The following KRTAP5-4 variants were observed in gnomAD, a reference collection of about 807,000 sequenced individuals.
KRTAP5-4 encodes keratin-associated protein 5-4.
Under a neutral mutation model 2.6 loss-of-function variants are expected in KRTAP5-4, and 1 was observed. The ratio of observed to expected loss-of-function variants is 0.39; its 90% CI spans 0.14 to 1.85. The LOEUF (loss-of-function observed/expected upper bound fraction) is 1.85, where lower values mean the gene tolerates loss of function less well. KRTAP5-4 is among the 40% of genes most tolerant of loss of function. The pLI is 0.32. For missense variants in KRTAP5-4, 195 were observed against 276.9 expected (o/e 0.70, Z 2.10); for synonymous variants, 83 against 113.1 (o/e 0.73, Z 1.69).
At position 1,622,104 on chromosome 11, in the gene KRTAP5-4, G is replaced by A. The variant is rs779475157; in HGVS notation, c.-11C>T. ...GCCACAGCAGCCCATGGTTCTGGTG[G>A]ATTGAGGGTGGAGCAGGTAGAGGAG... On this transcript the variant is annotated 5_prime_UTR_variant, in exon 1 of 1. Transcript: ENST00000399682. 6.2e-7 allele frequency: 1 copy of A among 1,611,232 alleles called. No homozygotes were observed. The highest frequency in any genetic ancestry group is 8.5e-7 in the Non-Finnish European group (1 of 1,179,268).
chr11:1,621,371 A>G lies in KRTAP5-4; in HGVS notation c.*36T>C. ...ACAGGTCACAGCTTTGGAAGACAGG[A>G]TTAGCAGGACTCACATGAGGCCTGA... On this transcript the variant is annotated 3_prime_UTR_variant, in exon 1 of 1. Transcript: ENST00000399682. The G allele has an allele frequency of 6.2e-7, 1 of 1,612,136 alleles. No individual in the cohort carries two copies. The highest frequency in any genetic ancestry group is 2.2e-5 in the East Asian group (1 of 44,858).
In KRTAP5-4 at chr11:1,621,159, A is replaced by G. The variant is rs1288072142; in HGVS notation, c.*248T>C. On this transcript the variant is annotated 3_prime_UTR_variant, in exon 1 of 1. Coordinates refer to ENST00000399682, the MANE Select transcript of KRTAP5-4 (RefSeq NM_001347674.1). ...AGCTCAGGCCTCTGAAAAGATGAGC[A>G]AAGGCGAGGCTAGTGGGTGAGGGGT... The G allele has an allele frequency of 1.4e-5, 10 of 727,080 alleles. No homozygotes were observed. The highest frequency in any genetic ancestry group is 2.2e-5 in the Non-Finnish European group (10 of 456,586). 45.0% of individuals were successfully genotyped at this position (727,080 alleles called of 1,614,324 possible).
At position 1,621,409 on chromosome 11, in the gene KRTAP5-4, A is replaced by T; in HGVS notation, c.685T>A (p.Ter229ArgextTer53). The T allele has an allele frequency of 6.2e-7, 1 of 1,614,158 alleles. No individual in the cohort carries two copies. Among genetic ancestry groups the T allele is most frequent in the Non-Finnish European group, 8.5e-7 (1 of 1,179,994 alleles). ...ACATGAGGCCTGAGTCCAGAGCCTC[A>T]GATCTTACACTGGCAGCACACAGGG... is the stretch of plus-strand genomic sequence containing the variant. ...CVPVCCQCKI* is the reference protein window; with the variant it reads ...CVPVCCQCKIR Residue 229 changes from the stop codon to arginine, a stop_lost, in exon 1 of 1, where the codon TGA becomes AGA. Coordinates refer to ENST00000399682, the MANE Select transcript of KRTAP5-4 (RefSeq NM_001347674.1).
rs112434365 is a variant in KRTAP5-4 at position 1,621,916 on chromosome 11, A to C, written c.178T>G (p.Cys60Gly). ...CVPICCCKPV[C>G]CCVPACSCSS... ...CAGGAACAGGCTGGCACACAGCAGC[A>C]CACAGGTTTGCAGCAGCAGATGGGC... The change falls in exon 1 of 1, where the codon TGC (cysteine) becomes GGC (glycine). Residue 60 changes from cysteine to glycine, a missense_variant. Coordinates refer to ENST00000399682, the MANE Select transcript of KRTAP5-4 (RefSeq NM_001347674.1). 2.3e-3 allele frequency: 3,673 copies of C among 1,600,022 alleles called. 126 individuals are homozygous for C. In the African/African-American group the frequency reaches 0.047, roughly 20 times the overall value.
At position 1,621,202 on chromosome 11, in the gene KRTAP5-4, A is replaced by G; in HGVS notation, c.*205T>C. ...TGAGGGGTGATTCAGCTGCAATTGCAGTTGACTTGGGGAGAGAATTTGTTA... is the reference window on the plus strand; with the variant it reads ...TGAGGGGTGATTCAGCTGCAATTGCGGTTGACTTGGGGAGAGAATTTGTTA... On this transcript the variant is annotated 3_prime_UTR_variant, in exon 1 of 1. Transcript: ENST00000399682. The G allele has an allele frequency of 1.9e-6, 2 of 1,047,454 alleles. No individual in the cohort carries two copies. The highest frequency in any genetic ancestry group is 2.7e-6 in the Non-Finnish European group (2 of 734,516). The allele number at this position is 1,047,454 out of a possible 1,614,324, so 64.9% of individuals were successfully genotyped here.
At position 1,621,603 on chromosome 11, in the gene KRTAP5-4, C is replaced by T. The variant is rs771807412; in HGVS notation, c.491G>A (p.Cys164Tyr). The T allele has an allele frequency of 8.1e-6, 13 of 1,613,396 alleles. No individual in the cohort carries two copies. In the African/African-American group the frequency reaches 1.5e-4, roughly 18 times the overall value. Residue 164 changes from cysteine to tyrosine, a missense_variant, in exon 1 of 1, where the codon TGC (cysteine) becomes TAC (tyrosine). Transcript: ENST00000399682. ...SCCQSSCCKP[C>Y]CSSSGCGSSC... ...TGACCCACAACCTGAGGAGGAGCAG[C>T]AGGGCTTACAGCAGCTGGACTGGCA...
Position 1,621,033 on chromosome 11 carries a change from GC to G in KRTAP5-4, c.*373del. The G allele has an allele frequency of 4.1e-6, 1 of 242,396 alleles. No individual in the cohort carries two copies. The highest frequency in any genetic ancestry group is 8.4e-6 in the Non-Finnish European group (1 of 118,974). 15.0% of individuals were successfully genotyped at this position (242,396 alleles called of 1,614,324 possible). ...TACAGCAGAGTGTTGGACATGCAAA[GC>G]CACTCCAAGGAAGCCTCTTAAACGC... On this transcript the variant is annotated 3_prime_UTR_variant, in exon 1 of 1. Coordinates refer to ENST00000399682, the MANE Select transcript of KRTAP5-4 (RefSeq NM_001347674.1).
chr11:1,622,136 A>G lies in KRTAP5-4; in HGVS notation c.-43T>C, dbSNP rs775800377. 1 of 1,604,450 alleles carries G rather than the reference A, an allele frequency of 6.2e-7. No homozygotes were observed. The highest frequency in any genetic ancestry group is 1.1e-5 in the South Asian group (1 of 89,208). On this transcript the variant is annotated 5_prime_UTR_variant, in exon 1 of 1. Transcript: ENST00000399682. ...GGTGGAGCAGGTAGAGGAGCAGATG[A>G]GATGGAGGTGCAGGTGTGGAGCCCC...
chr11:1,621,187 T>C lies in KRTAP5-4; in HGVS notation c.*220A>G. The C allele has an allele frequency of 2.2e-6, 2 of 923,684 alleles. No homozygotes were observed. Among genetic ancestry groups the C allele is most frequent in the Non-Finnish European group, 3.2e-6 (2 of 624,586 alleles). 57.2% of individuals were successfully genotyped at this position (923,684 alleles called of 1,614,324 possible). On this transcript the variant is annotated 3_prime_UTR_variant, in exon 1 of 1. Coordinates refer to ENST00000399682, the MANE Select transcript of KRTAP5-4 (RefSeq NM_001347674.1). ...GGCGAGGCTAGTGGGTGAGGGGTGA[T>C]TCAGCTGCAATTGCAGTTGACTTGG...
Position 1,621,971 on chromosome 11 carries a change from G to A in KRTAP5-4, c.123C>T (p.Gly41=), listed in dbSNP as rs746716419. The A allele has an allele frequency of 6.4e-7, 1 of 1,557,910 alleles. No individual in the cohort carries two copies. Among genetic ancestry groups the A allele is most frequent in the South Asian group, 1.1e-5 (1 of 87,474 alleles). The change falls in exon 1 of 1, where the codon GGC becomes GGT. Residue 41 remains glycine, a synonymous_variant. Coordinates refer to ENST00000399682, the MANE Select transcript of KRTAP5-4 (RefSeq NM_001347674.1). ...AGCAGCTGGAGCCACAGCCCCCACA[G>A]CCGGAGCCACAGCCCCCACAGCCGG... ...CGSGCGGCGS[G]CGGCGSSCCV...
Position 1,621,040 on chromosome 11 carries a change from C to A in KRTAP5-4, c.*367G>T. 7.5e-6 allele frequency: 2 copies of A among 267,094 alleles called. No individual in the cohort carries two copies. Among genetic ancestry groups the A allele is most frequent in the Non-Finnish European group, 7.6e-6 (1 of 132,374 alleles). The allele number at this position is 267,094 out of a possible 1,614,324, so 16.5% of individuals were successfully genotyped here. On this transcript the variant is annotated 3_prime_UTR_variant, in exon 1 of 1. Coordinates refer to ENST00000399682, the MANE Select transcript of KRTAP5-4 (RefSeq NM_001347674.1). ...GAGTGTTGGACATGCAAAGCCACTCCAAGGAAGCCTCTTAAACGCCCACCT... is the reference window on the plus strand; with the variant it reads ...GAGTGTTGGACATGCAAAGCCACTCAAAGGAAGCCTCTTAAACGCCCACCT...
rs1423597344 is a variant in KRTAP5-4, at chr11:1,621,638, C to A, written c.456G>T (p.Gly152=). 6.2e-7 allele frequency: 1 copy of A among 1,605,552 alleles called. No homozygotes were observed. The highest frequency in any genetic ancestry group is 2.2e-5 in the East Asian group (1 of 44,642). ...AGCAGCTGGACTGGCAGCAGGATGACCCACAGCCTGAAGAGAAGCAGCAGG... is the reference window on the plus strand; with the variant it reads ...AGCAGCTGGACTGGCAGCAGGATGAACCACAGCCTGAAGAGAAGCAGCAGG... The part of the protein sequence containing the change: ...CKPCCFSSGC[G]SSCCQSSCCK... The change falls in exon 1 of 1, where the codon GGG becomes GGT. Residue 152 remains glycine, a synonymous_variant. Transcript: ENST00000399682.
rs1313159721 is a variant in KRTAP5-4, at chr11:1,621,660, C to T, written c.434G>A (p.Cys145Tyr). 3 of 1,612,944 alleles carry T rather than the reference C, an allele frequency of 1.9e-6. No homozygotes were observed. Among genetic ancestry groups the T allele is most frequent in the South Asian group, 2.2e-5 (2 of 91,050 alleles). Residue 145 changes from cysteine (C) to tyrosine (Y), a missense_variant, in exon 1 of 1, where the codon TGC (cysteine) becomes TAC (tyrosine). By Grantham distance (194) the Cys-to-Tyr change is radical. Transcript: ENST00000399682. ...TGACCCACAGCCTGAAGAGAAGCAG[C>T]AGGGCTTACAGCAGCTGCACTGGGA... is the stretch of plus-strand genomic sequence containing the variant. ...GCSQCSCCKP[C>Y]CFSSGCGSSC...
At position 1,621,082 on chromosome 11, in the gene KRTAP5-4, C is replaced by T. The variant is rs1367533024; in HGVS notation, c.*325G>A. The stretch of plus-strand genomic sequence containing the variant: ...CGCCCACCTTGTTGCAGGTGGGACG[C>T]TTATGCCCAGCTGCTCCAGCTGGAA... On this transcript the variant is annotated 3_prime_UTR_variant, in exon 1 of 1. Coordinates refer to ENST00000399682, the MANE Select transcript of KRTAP5-4 (RefSeq NM_001347674.1). The T allele has an allele frequency of 5.1e-6, 2 of 389,352 alleles. No individual in the cohort carries two copies. The highest frequency in any genetic ancestry group is 8.1e-5 in the Admixed American group (2 of 24,818). 24.1% of individuals were successfully genotyped at this position (389,352 alleles called of 1,614,324 possible). A position where few individuals can be genotyped will look rare whatever the true frequency, so the allele number is the denominator to read the frequency against.
rs2133520473 is a variant in KRTAP5-4 at position 1,621,214 on chromosome 11, G to A, written c.*193C>T. 1 of 1,159,646 alleles carries A rather than the reference G, an allele frequency of 8.6e-7. No individual in the cohort carries two copies. The highest frequency in any genetic ancestry group is 1.2e-6 in the Non-Finnish European group (1 of 834,588). The allele number at this position is 1,159,646 out of a possible 1,614,324, so 71.8% of individuals were successfully genotyped here. On this transcript the variant is annotated 3_prime_UTR_variant, in exon 1 of 1. Transcript: ENST00000399682. ...CAGCTGCAATTGCAGTTGACTTGGG[G>A]AGAGAATTTGTTAGGAGAGACAATG...
At position 1,621,988 on chromosome 11, in the gene KRTAP5-4, CA is replaced by C; in HGVS notation, c.105del (p.Cys35TrpfsTer203). The C allele has an allele frequency of 6.4e-7, 1 of 1,558,242 alleles. No individual in the cohort carries two copies. Among genetic ancestry groups the C allele is most frequent in the South Asian group, 1.2e-5 (1 of 86,814 alleles). On this transcript the variant is annotated frameshift_variant, in exon 1 of 1. Transcript: ENST00000399682. LOFTEE classifies it low-confidence loss of function (END_TRUNC). ...CCCCCACAGCCGGAGCCACAGCCCC[CA>C]CAGCCGGAGCCACAGCCCCCACAGC... Reference protein sequence around the residue: ...GSGCGGCGSGCGGCGSGCGGC... With the variant: ...GSGCGGCGSGXGGCGSGCGGC...
At position 1,621,426 on chromosome 11, in the gene KRTAP5-4, CA is replaced by C. The variant is rs1391772444; in HGVS notation, c.667del (p.Cys223AlafsTer15). 6.2e-7 allele frequency: 1 copy of C among 1,614,060 alleles called. No homozygotes were observed. The highest frequency in any genetic ancestry group is 8.5e-7 in the Non-Finnish European group (1 of 1,180,040). ...CSQSSCCVPV[C>X]CQCKI ...AGAGCCTCAGATCTTACACTGGCAG[CA>C]CACAGGGACACAGCAACTAGACTGG... On this transcript the variant is annotated frameshift_variant, in exon 1 of 1. Coordinates refer to ENST00000399682, the MANE Select transcript of KRTAP5-4 (RefSeq NM_001347674.1). LOFTEE classifies it high-confidence loss of function.
rs1450038143 is a variant in KRTAP5-4 at position 1,621,478 on chromosome 11, A to C, written c.616T>G (p.Ser206Ala). ...SSGCGSSCCQSSCCNPCCSQS... is the reference protein window; with the variant it reads ...SSGCGSSCCQASCCNPCCSQS... ...GAGCAGCAGGGATTGCAGCAACTGG[A>C]CTGGCAGCAGGATGACCCACAACCT... Residue 206 changes from serine (S) to alanine (A), a missense_variant, in exon 1 of 1, where the codon TCC becomes GCC. By Grantham distance (99) the Ser-to-Ala change is moderately conservative. Coordinates refer to ENST00000399682, the MANE Select transcript of KRTAP5-4 (RefSeq NM_001347674.1). The C allele has an allele frequency of 1.9e-6, 3 of 1,613,362 alleles. No individual in the cohort carries two copies. Among genetic ancestry groups the C allele is most frequent in the Non-Finnish European group, 2.5e-6 (3 of 1,179,754 alleles).
At position 1,621,179 on chromosome 11, in the gene KRTAP5-4, A is replaced by AG; in HGVS notation, c.*227dup. ...TGAGCAAAGGCGAGGCTAGTGGGTG[A>AG]GGGGTGATTCAGCTGCAATTGCAGT... On this transcript the variant is annotated 3_prime_UTR_variant, in exon 1 of 1. Coordinates refer to ENST00000399682, the MANE Select transcript of KRTAP5-4 (RefSeq NM_001347674.1). The AG allele has an allele frequency of 1.2e-6, 1 of 847,794 alleles. No individual in the cohort carries two copies. The allele number at this position is 847,794 out of a possible 1,614,324, so 52.5% of individuals were successfully genotyped here. A position where few individuals can be genotyped will look rare whatever the true frequency, so the allele number is the denominator to read the frequency against.
Sources: gnomAD v4.1 joint callset for allele counts on GRCh38, gnomAD v4.1.1 for gene constraint, MANE v1.5 for transcripts, NCBI Gene and HGNC (gene_info 2026-07-23, HGNC 2026-07-21) for gene names.